The following RYR1 variants were observed in gnomAD, a reference collection of about 807,000 sequenced individuals.
The protein encoded by RYR1 is central core disease of muscle.
RYR1 carries 342 observed loss-of-function variants against 583.5 expected under a neutral mutation model. The ratio of observed to expected loss-of-function variants is 0.59; its 90% confidence interval spans 0.54 to 0.64. The LOEUF is 0.64. RYR1 is among the 30% of genes least tolerant of loss of function. The pLI is 0.00. For missense variants in RYR1, 6,032 were observed against 6,917.2 expected, an observed-to-expected ratio of 0.87 and a Z score of 4.54; for synonymous variants, 2,791 against 2,822.5, an observed-to-expected ratio of 0.99 and a Z score of 0.35.
At chr19:38,537,836 C>A (rs773891385) in intron 83 of RYR1, 44 bp from the exon 84 acceptor site, 2 of 1,565,036 alleles carry the variant, frequency 1.3e-6, no homozygotes, top group African/African-American at 2.7e-5. Flanking sequence ...TGTGTCTTGG[C>A]GCATCTGACC....
At position 38,512,586 on chromosome 19, in the gene RYR1, T is replaced by A; in HGVS notation, c.9472+103T>A. 1 of 1,141,872 alleles carries A rather than the reference T, an allele frequency of 8.8e-7. No individual in the cohort carries two copies. Among genetic ancestry groups the A allele is most frequent in the East Asian group, 2.3e-5 (1 of 42,638 alleles). The allele number at this position is 1,141,872 out of a possible 1,614,324, so 70.7% of individuals were successfully genotyped here. On this transcript the variant is annotated intron_variant, in intron 63 of 105. Coordinates refer to ENST00000359596, the MANE Select transcript of RYR1 (RefSeq NM_000540.3). This position sits in a 1 kb window ranked among gnomAD's most constrained non-coding sequence, Gnocchi z 5.1. ...CCCTGGGTGTTTGAATGTGTGGATT[T>A]CTTGCTGTAAGCAAAGCATGCAGTC...
At chr19:38,586,649 C>T in intron 105 of RYR1, 73 bp downstream of exon 105, 11 of 1,382,546 alleles carry the variant, frequency 8.0e-6, no homozygotes, top group Non-Finnish European at 1.1e-5. Flanking sequence ...CAGTAGGTGG[C>T]AGTAAAAAGC....
chr19:38,438,763 C>T (rs1243286361), intron 1 of RYR1, among the ~76,000 whole-genome samples: 3 of 151,632 alleles, frequency 2.0e-5, no homozygotes, highest in South Asian at 2.1e-4. Context: ...GGACTACAGG[C>T]GCCCGCCACC....
Position 38,496,854 on chromosome 19 carries a change from C to A in RYR1, c.6797-6C>A, listed in dbSNP as rs1405203955. On this transcript the variant is annotated splice_polypyrimidine_tract_variant and splice_region_variant and intron_variant, in intron 41 of 105. Transcript: ENST00000359596. This position sits in a 1 kb window ranked among gnomAD's most constrained non-coding sequence, Gnocchi z 4.8. ...GAGATGTTCTCCCCACCTCTCGCCC[C>A]TGCAGGCATGCAGGGCTCCACGCCC... The A allele has an allele frequency of 2.5e-6, 4 of 1,612,816 alleles. No individual in the cohort carries two copies. The highest frequency in any genetic ancestry group is 3.3e-5 in the Admixed American group (2 of 60,028).
At chr19:38,521,432 G>A (rs1021379704) in intron 67 of RYR1, among the ~76,000 whole-genome samples, 5 of 151,454 alleles carry the variant, frequency 3.3e-5, no homozygotes, top group Non-Finnish European at 7.4e-5. Context: ...CCAGCACTTT[G>A]GGTGGCCAAA....
rs1404378284 is a variant in RYR1, at chr19:38,579,966, C to T, written c.14365-16C>T. The T allele has an allele frequency of 6.8e-6, 11 of 1,614,094 alleles. 1 individual carries two copies. Among genetic ancestry groups the T allele is most frequent in the Non-Finnish European group, 7.6e-6 (9 of 1,179,986 alleles). On this transcript the variant is annotated splice_polypyrimidine_tract_variant and intron_variant, in intron 99 of 105. Coordinates refer to ENST00000359596, the MANE Select transcript of RYR1 (RefSeq NM_000540.3). ...TCCCTGCCTTCCCCCTGACCCCTGG[C>T]CCTGTGTGCCCACAGTCCTTCCTGT...
At chr19:38,518,401 TAAAAAAAA>T (rs10714494) in intron 66 of RYR1, among the ~76,000 whole-genome samples, 12,565 of 113,768 alleles carry the variant, frequency 0.11, 675 homozygotes, top group South Asian at 0.29. Context: ...CTCTATTATT[TAAAAAAAA>T]AAAAAAAAAA....
Position 38,527,383 on chromosome 19 carries a change from G to A in RYR1, c.10687-264G>A, listed in dbSNP as rs553656793. ...AAATTAGCTGGGTGTGATGGCGGGT[G>A]CCTGTAGTCCCGGCTACTCAGGAGG... On this transcript the variant is annotated intron_variant, in intron 72 of 105. Transcript: ENST00000359596. 9.8e-5 allele frequency among the ~76,000 whole-genome samples: 15 copies of A among 152,340 alleles called. No individual in the cohort carries two copies. The East Asian group carries it at 1.9e-3, about 20-fold the overall frequency.
At chr19:38,489,961 AT>A in intron 35 of RYR1, 114 bp from the exon 36 acceptor site, 1 of 1,076,294 alleles carries the variant, frequency 9.3e-7, no homozygotes, top group Non-Finnish European at 1.4e-6. Context: ...GCGGGAAATG[AT>A]TTTGGCTGGA....
chr19:38,469,102 G>A lies in RYR1; in HGVS notation c.3518G>A (p.Gly1173Asp). 6.2e-7 allele frequency: 1 copy of A among 1,614,174 alleles called. No homozygotes were observed. The highest frequency in any genetic ancestry group is 8.5e-7 in the Non-Finnish European group (1 of 1,180,034). The change falls in exon 26 of 106, where the codon GGC becomes GAC. Residue 1173 changes from glycine (G) to aspartate (D), a missense_variant. Coordinates refer to ENST00000359596, the MANE Select transcript of RYR1 (RefSeq NM_000540.3). ...LNGEVLMSDSGSETAFREIEI... is the reference protein window; with the variant it reads ...LNGEVLMSDSDSETAFREIEI... ...GGCGAGGTCCTCATGTCTGACTCAG[G>A]CTCCGAAACAGCCTTCCGGGAGATT...
rs777293791 is a variant in RYR1, at chr19:38,502,604, G to C, written c.7712G>C (p.Gly2571Ala). 1.8e-5 allele frequency: 29 copies of C among 1,612,772 alleles called. No individual in the cohort carries two copies. Among genetic ancestry groups the C allele is most frequent in the African/African-American group, 4.0e-5 (3 of 74,824 alleles). The change falls in exon 48 of 106, where the codon GGC (glycine) becomes GCC (alanine). Residue 2571 changes from glycine to alanine, a missense_variant. By Grantham distance (60) the Gly-to-Ala change is moderately conservative (BLOSUM62 0). Around this residue, in one of 11 missense-constraint regions of RYR1, gnomAD observed 250 missense variants for 162.3 expected, o/e 1.54. Coordinates refer to ENST00000359596, the MANE Select transcript of RYR1 (RefSeq NM_000540.3). Reference sequence around the variant, plus strand: ...ACCAAGTGTGCGCCGCTCTTTGCGGGCACAGAACACCGCGCCATCATGGTG... The same window carrying C: ...ACCAAGTGTGCGCCGCTCTTTGCGGCCACAGAACACCGCGCCATCATGGTG... ...LITKCAPLFA[G>A]TEHRAIMVDS...
chr19:38,580,249 G>T, intron 100 of RYR1, 121 bp downstream of exon 100: 1 of 1,588,456 alleles, frequency 6.3e-7, no homozygotes, highest in Non-Finnish European at 8.6e-7. Flanking sequence ...CGCTGAGCCG[G>T]GGGTGTGTGG....
intron 2 of RYR1, among the ~76,000 whole-genome samples, chr19:38,441,450 A>G (rs1176407222): frequency 1.5e-5 from 1 of 65,448 alleles, no homozygotes; most frequent in Non-Finnish European, 3.0e-5. Context: ...AGGGCATCTG[A>G]TGGGGGTGGG....
chr19:38,565,887 C>CACGCACCCACGGAGG lies in RYR1; in HGVS notation c.13437+126_13437+140dup, dbSNP rs1973398262. Reference sequence around the variant, plus strand: ...AGAGAACTGGCTAGGGGGATGGGCACACGCACCCACGGAGGACGCACCCAT... The same window carrying CACGCACCCACGGAGG: ...AGAGAACTGGCTAGGGGGATGGGCACACGCACCCACGGAGGACGCACCCACGGAGGACGCACCCAT... On this transcript the variant is annotated intron_variant, in intron 91 of 105. Transcript: ENST00000359596. The surrounding 1 kb of genome is among the most constrained non-coding windows in gnomAD (Gnocchi z 4.7). 6.8e-6 allele frequency: 8 copies of CACGCACCCACGGAGG among 1,177,498 alleles called. No individual in the cohort carries two copies. The highest frequency in any genetic ancestry group is 3.1e-4 in the Middle Eastern group (1 of 3,252). The allele number at this position is 1,177,498 out of a possible 1,614,324, so 72.9% of individuals were successfully genotyped here.
chr19:38,582,173 A>G lies in RYR1; in HGVS notation c.14646+1669A>G, dbSNP rs1329085909. ...AGCACTTTGGGGGGCTGAGGGGGGC[A>G]GATTACCTGAGGTTGGGAGTTTGAG... On this transcript the variant is annotated intron_variant, in intron 101 of 105. Transcript: ENST00000359596. Among the ~76,000 whole-genome samples, 6 of 151,802 alleles carry G rather than the reference A, an allele frequency of 4.0e-5. No individual in the cohort carries two copies. The East Asian group carries it at 1.2e-3, about 30-fold the overall frequency.
At chr19:38,473,225 C>T in intron 27 of RYR1, 152 bp from the exon 28 acceptor site, 1 of 984,772 alleles carries the variant, frequency 1.0e-6, no homozygotes. Flanking sequence ...CGGCCGGGAG[C>T]TTCATCCCCC....
chr19:38,441,537 G>T (rs1222224825), intron 2 of RYR1, among the ~76,000 whole-genome samples: 4 of 151,024 alleles, frequency 2.6e-5, no homozygotes, highest in Non-Finnish European at 5.9e-5. Context: ...GAGGGTGGGG[G>T]CAGCTGGAGT....
At chr19:38,571,939 AT>A in intron 94 of RYR1, 79 bp from the exon 95 acceptor site, 1 of 1,596,948 alleles carries the variant, frequency 6.3e-7, no homozygotes, top group African/African-American at 1.3e-5. Context: ...TCCCAGTCCA[AT>A]CTCGGGAATG....
chr19:38,505,039 C>G lies in RYR1; in HGVS notation c.8268C>G (p.Asn2756Lys). Reference sequence around the variant, plus strand: ...CGGAGAAGCTGGACTCCTTCATTAACAAGTTTGCGGAGTACACACACGAGA... The same window carrying G: ...CGGAGAAGCTGGACTCCTTCATTAAGAAGTTTGCGGAGTACACACACGAGA... ...IIPEKLDSFI[N>K]KFAEYTHEKW... Residue 2756 changes from asparagine to lysine, a missense_variant, in exon 52 of 106, where the codon AAC (asparagine) becomes AAG (lysine). Physicochemically the swap from Asn to Lys is moderately conservative, Grantham distance 94. Around this residue, in one of 11 missense-constraint regions of RYR1, gnomAD observed 1,493 missense variants for 1,715.5 expected, o/e 0.87. Coordinates refer to ENST00000359596, the MANE Select transcript of RYR1 (RefSeq NM_000540.3). 6.2e-7 allele frequency: 1 copy of G among 1,614,160 alleles called. No homozygotes were observed. The highest frequency in any genetic ancestry group is 1.3e-5 in the African/African-American group (1 of 75,022).
Sources: allele counts gnomAD v4.1 joint callset (sites outside exome capture counted in the v4.1 genomes callset), GRCh38; gene constraint gnomAD v4.1.1; regional missense constraint gnomAD v4.1.1; non-coding constraint Gnocchi (gnomAD v3.1); transcripts MANE v1.5; gene names NCBI Gene and HGNC (gene_info 2026-07-23, HGNC 2026-07-21).